Variants in SERHL2 observed in about 807,000 individuals in gnomAD.
The protein encoded by SERHL2 is serine hydrolase like 2.
Under a neutral mutation model 25.5 loss-of-function variants are expected in SERHL2, and 29 were observed. The observed-to-expected ratio is 1.14, with a 90% CI of 0.85 to 1.55. SERHL2 has a LOEUF of 1.55. Among genes scored for constraint, SERHL2 ranks in the 40% most tolerant of loss-of-function variants. The probability of loss-of-function intolerance (pLI) is 0.00; values close to 1 mark genes in which losing one functional copy is unlikely to be tolerated. For missense variants in SERHL2, 240 were observed against 252.3 expected (o/e 0.95, Z 0.33); for synonymous variants, 95 against 103.5 (o/e 0.92, Z 0.50).
intron 7 of SERHL2, among the ~76,000 whole-genome samples, chr22:42,559,515 G>A (rs1218530097): frequency 1.3e-5 from 2 of 151,700 alleles, no homozygotes; most frequent in East Asian, 1.9e-4. Flanking sequence ...TCATGGCTAA[G>A]ATGGTGAAAC....
chr22:42,559,747 C>G (rs137025), intron 7 of SERHL2, among the ~76,000 whole-genome samples: 48,545 of 151,476 alleles, frequency 0.32, 10,787 homozygotes, highest in East Asian at 0.73. Flanking sequence ...AAAAAAATCA[C>G]GAGACACATG....
rs754746774 is a variant in SERHL2, at chr22:42,573,996, G to C, written c.886G>C (p.Val296Leu). Reference protein sequence around the residue: ...HCVHMSEPQHVASIISSFLQC... With the variant: ...HCVHMSEPQHLASIISSFLQC... ...TGTCCACATGAGCGAACCCCAGCACGTGGCCAGTATCATCAGCTCCTTCTT... is the reference window on the plus strand; with the variant it reads ...TGTCCACATGAGCGAACCCCAGCACCTGGCCAGTATCATCAGCTCCTTCTT... Residue 296 changes from valine (V) to leucine (L), a missense_variant, in exon 12 of 12, where the codon GTG (valine) becomes CTG (leucine). Physicochemically the swap from Val to Leu is conservative, Grantham distance 32. Around this residue, in one of 4 missense-constraint regions of SERHL2, gnomAD observed 212 missense variants for 168.9 expected, o/e 1.25. Coordinates refer to ENST00000327678, the MANE Select transcript of SERHL2 (RefSeq NM_014509.5). 2.6e-6 allele frequency: 4 copies of C among 1,536,404 alleles called. No homozygotes were observed. The highest frequency in any genetic ancestry group is 1.1e-5 in the South Asian group (1 of 90,194).
Position 42,574,364 on chromosome 22 carries a change from A to G in SERHL2, c.*309A>G, listed in dbSNP as rs922071409. On this transcript the variant is annotated 3_prime_UTR_variant, in exon 12 of 12. Transcript: ENST00000327678. ...CTGCTGCCCAACTGGATGGAAAATAAAAGGTTCTTGTATTCTCACTGCTTT... is the reference window on the plus strand; with the variant it reads ...CTGCTGCCCAACTGGATGGAAAATAGAAGGTTCTTGTATTCTCACTGCTTT... 8 of 505,494 alleles carry G rather than the reference A, an allele frequency of 1.6e-5. No individual in the cohort carries two copies. The highest frequency in any genetic ancestry group is 2.8e-5 in the Non-Finnish European group (8 of 282,998). The allele number at this position is 505,494 out of a possible 1,614,324, so 31.3% of individuals were successfully genotyped here. A position where few individuals can be genotyped will look rare whatever the true frequency, so the allele number is the denominator to read the frequency against.
At position 42,566,369 on chromosome 22, in the gene SERHL2, A is replaced by G. The variant is rs776861585; in HGVS notation, c.648+31A>G. On this transcript the variant is annotated intron_variant, in intron 9 of 11. Transcript: ENST00000327678. The stretch of plus-strand genomic sequence containing the variant: ...TACCACTGCCTCCGGGTCCCCCGCC[A>G]AGGTTTGCCTGTTAGCGTCTTTGTC... The G allele has an allele frequency of 1.2e-5, 19 of 1,608,130 alleles. No individual in the cohort carries two copies. The South Asian group carries it at 1.9e-4, about 16-fold the overall frequency.
intron 8 of SERHL2, among the ~76,000 whole-genome samples, chr22:42,561,789 G>C (rs150430496): frequency 6.6e-5 from 10 of 151,806 alleles, no homozygotes; most frequent in Non-Finnish European, 4.4e-5. Flanking sequence ...TTGGGTCTTC[G>C]TGATCATCTT....
intron 8 of SERHL2, among the ~76,000 whole-genome samples, chr22:42,566,058 C>T (rs993204413): frequency 6.6e-6 from 1 of 152,078 alleles, no homozygotes; most frequent in Non-Finnish European, 1.5e-5. Context: ...TCATTCTGCA[C>T]CGGCCCTTTG....
rs1047499619 is a variant in SERHL2, at chr22:42,561,888, C to T, written c.613+1623C>T. 1.8e-4 allele frequency among the ~76,000 whole-genome samples: 27 copies of T among 151,722 alleles called. 1 individual carries two copies. Among genetic ancestry groups the T allele is most frequent in the African/African-American group, 1.9e-4 (8 of 41,332 alleles). Reference sequence around the variant, plus strand: ...GCCCAGGCTTCCTGGACATGCCTCACGGATGGCTGACCTAGGGAGCCCCAG... The same window carrying T: ...GCCCAGGCTTCCTGGACATGCCTCATGGATGGCTGACCTAGGGAGCCCCAG... On this transcript the variant is annotated intron_variant, in intron 8 of 11. Transcript: ENST00000327678.
In SERHL2 at chr22:42,570,539, G is replaced by C. The variant is rs140750492; in HGVS notation, c.649-582G>C. On this transcript the variant is annotated intron_variant, in intron 9 of 11. Coordinates refer to ENST00000327678, the MANE Select transcript of SERHL2 (RefSeq NM_014509.5). The stretch of plus-strand genomic sequence containing the variant: ...TGCTAAGTTTTCCAAATCCAGCTTC[G>C]TGTCACACCTACAGCACATCTCACT... 3.0e-3 allele frequency among the ~76,000 whole-genome samples: 456 copies of C among 152,264 alleles called. 3 individuals carry two copies. Among genetic ancestry groups the C allele is most frequent in the African/African-American group, 0.01 (429 of 41,570 alleles).
At chr22:42,559,940 T>C (rs1486797485) in intron 7 of SERHL2, among the ~76,000 whole-genome samples, 1 of 151,810 alleles carries the variant, frequency 6.6e-6, no homozygotes, top group Non-Finnish European at 1.5e-5. Context: ...GCTTCCCAAG[T>C]AGCTGGGATT....
Position 42,572,941 on chromosome 22 carries a change from T to G in SERHL2, c.825+412T>G, listed in dbSNP as rs573011583. The G allele has an allele frequency of 3.3e-3, 517 of 156,762 alleles. 25 individuals carry two copies. The highest frequency in any genetic ancestry group is 8.8e-4 in the Non-Finnish European group (64 of 72,682). 9.7% of individuals were successfully genotyped at this position (156,762 alleles called of 1,614,324 possible). On this transcript the variant is annotated intron_variant, in intron 11 of 11. Transcript: ENST00000327678. ...CACCTTGGCCTCCCGAAGTGCTGGTTTTGTAGATGGGAGCCACCATACCCG... is the reference window on the plus strand; with the variant it reads ...CACCTTGGCCTCCCGAAGTGCTGGTGTTGTAGATGGGAGCCACCATACCCG...
chr22:42,568,970 C>G (rs1195792461), intron 9 of SERHL2, among the ~76,000 whole-genome samples: 1 of 151,596 alleles, frequency 6.6e-6, no homozygotes, highest in Non-Finnish European at 1.5e-5. Context: ...CAACCTCCAC[C>G]TCCTGGGATC....
At chr22:42,567,067 G>C (rs1204482290) in intron 9 of SERHL2, among the ~76,000 whole-genome samples, 2 of 152,160 alleles carry the variant, frequency 1.3e-5, no homozygotes, top group Admixed American at 1.3e-4. Context: ...GTGTTGAGTG[G>C]CCTCGCACAG....
intron 9 of SERHL2, among the ~76,000 whole-genome samples, chr22:42,567,314 C>G (rs1923521979): frequency 6.6e-6 from 1 of 151,988 alleles, no homozygotes; most frequent in Admixed American, 6.6e-5. Flanking sequence ...TGTTCTTGAG[C>G]ATGGTGTCAG....
intron 8 of SERHL2, among the ~76,000 whole-genome samples, chr22:42,563,878 A>T (rs1923005889): frequency 6.6e-6 from 1 of 151,758 alleles, no homozygotes; most frequent in African/African-American, 2.4e-5. Context: ...GTTCGAGACC[A>T]CCCTGACCAA....
At chr22:42,567,913 G>A (rs866266586) in intron 9 of SERHL2, among the ~76,000 whole-genome samples, 4 of 151,242 alleles carry the variant, frequency 2.6e-5, no homozygotes, top group Non-Finnish European at 5.9e-5. Context: ...TGTTTTTAGT[G>A]GAGATGGGGT....
chr22:42,557,557 CAA>C (rs3046378), intron 6 of SERHL2, among the ~76,000 whole-genome samples: 2,655 of 45,254 alleles, frequency 0.059, 69 homozygotes, highest in African/African-American at 0.12. Context: ...CTCCGTCTCC[CAA>C]AAAAAAAAAA....
Position 42,572,349 on chromosome 22 carries a change from G to C in SERHL2, c.732-87G>C, listed in dbSNP as rs965866423. 8.4e-6 allele frequency: 8 copies of C among 949,516 alleles called. 1 individual carries two copies. Among genetic ancestry groups the C allele is most frequent in the Admixed American group, 2.0e-5 (1 of 49,090 alleles). The allele number at this position is 949,516 out of a possible 1,614,324, so 58.8% of individuals were successfully genotyped here. A position where few individuals can be genotyped will look rare whatever the true frequency, so the allele number is the denominator to read the frequency against. On this transcript the variant is annotated intron_variant, in intron 10 of 11. Coordinates refer to ENST00000327678, the MANE Select transcript of SERHL2 (RefSeq NM_014509.5). Reference sequence around the variant, plus strand: ...TAGCCCAGGCTTTGGTTTCTCCTCAGAGGCCTGAACCCAGGGCAGGATGGG... The same window carrying C: ...TAGCCCAGGCTTTGGTTTCTCCTCACAGGCCTGAACCCAGGGCAGGATGGG...
rs751518983 is a variant in SERHL2, at chr22:42,571,141, C to T, written c.669C>T (p.Phe223=). 25 of 1,613,454 alleles carry T rather than the reference C, an allele frequency of 1.5e-5. No individual in the cohort carries two copies. In the Middle Eastern group the frequency reaches 8.2e-4, roughly 53 times the overall value. The stretch of plus-strand genomic sequence containing the variant: ...TGCAGGCAGAGAACAGCATTGACTT[C>T]ATCAGCAGGGAGCTGTGTGCGCATT... ...RLAWAENSID[F]ISRELCAHSI... is the part of the protein sequence containing the mutation. Residue 223 remains phenylalanine, a synonymous_variant, in exon 10 of 12, where the codon TTC becomes TTT. Transcript: ENST00000327678.
chr22:42,571,212 G>A lies in SERHL2; in HGVS notation c.731+9G>A. On this transcript the variant is annotated intron_variant, in intron 10 of 11. Transcript: ENST00000327678. ...CATGTCCTGTTGATCAAGTAAGTCT[G>A]GACCCATCCCCTTCAGCCACCCGCC... The A allele has an allele frequency of 6.2e-7, 1 of 1,612,610 alleles. No homozygotes were observed. Among genetic ancestry groups the A allele is most frequent in the Non-Finnish European group, 8.5e-7 (1 of 1,179,228 alleles).
Sources: allele counts gnomAD v4.1 joint callset (sites outside exome capture counted in the v4.1 genomes callset), GRCh38; gene constraint gnomAD v4.1.1; regional missense constraint gnomAD v4.1.1; transcripts MANE v1.5; gene names NCBI Gene and HGNC (gene_info 2026-07-23, HGNC 2026-07-21).